Variants in LRRTM4 observed in about 807,000 individuals in gnomAD.
LRRTM4 encodes the protein leucine-rich repeat transmembrane neuronal protein 4.
In LRRTM4, 25 loss-of-function variants were observed where a neutral mutation model predicts 47.6. That is an observed-to-expected ratio of 0.53 (90% CI 0.38 to 0.73). The LOEUF (loss-of-function observed/expected upper bound fraction) is 0.73, where lower values mean the gene tolerates loss of function less well. Among genes scored for constraint, LRRTM4 ranks in the 30% least tolerant of loss-of-function variants. The probability of loss-of-function intolerance (pLI) is 0.00; values close to 1 mark genes in which losing one functional copy is unlikely to be tolerated. For synonymous variants in LRRTM4, 311 were observed against 269.5 expected (o/e 1.15, Z -1.51); for missense variants, 638 against 713.4 (o/e 0.89, Z 1.20).
chr2:77,040,734 G>C (rs1490956470), intron 3 of LRRTM4, among the ~76,000 whole-genome samples: 2 of 151,404 alleles, frequency 1.3e-5, no homozygotes, highest in African/African-American at 4.8e-5. Flanking sequence ...GTCCACTAAT[G>C]TTTATAGCTC....
At position 76,807,871 on chromosome 2, in the gene LRRTM4, G is replaced by A. The variant is rs113749494; in HGVS notation, c.1552-58955C>T. On this transcript the variant is annotated intron_variant, in intron 3 of 3. Coordinates refer to ENST00000409884, the MANE Select transcript of LRRTM4 (RefSeq NM_001134745.3). ...GCTGGGATTACAGGTGTGAGCCACC[G>A]CACCCGGCCTATTTTCTTTTCTTCT... 5.3e-5 allele frequency among the ~76,000 whole-genome samples: 8 copies of A among 151,218 alleles called. No individual in the cohort carries two copies. In the South Asian group the frequency reaches 1.3e-3, roughly 24 times the overall value.
chr2:77,001,290 TG>T (rs1288392893), intron 3 of LRRTM4, among the ~76,000 whole-genome samples: 2 of 152,148 alleles, frequency 1.3e-5, no homozygotes, highest in African/African-American at 4.8e-5. Context: ...TTGTGAATTC[TG>T]ATTATTGTTT....
At chr2:76,915,733 A>T (rs1674220050) in intron 3 of LRRTM4, among the ~76,000 whole-genome samples, 1 of 152,190 alleles carries the variant, frequency 6.6e-6, no homozygotes, top group Non-Finnish European at 1.5e-5. Context: ...TAAGTAAAAA[A>T]ATTAAAATAT....
chr2:77,046,855 G>A (rs922843718), intron 3 of LRRTM4, among the ~76,000 whole-genome samples: 2 of 151,984 alleles, frequency 1.3e-5, no homozygotes, highest in Admixed American at 1.3e-4. Context: ...TATTCACAAT[G>A]CATTTATCAT....
At chr2:76,905,407 G>C (rs1399626785) in intron 3 of LRRTM4, among the ~76,000 whole-genome samples, 1 of 152,132 alleles carries the variant, frequency 6.6e-6, no homozygotes, top group East Asian at 1.9e-4. Context: ...GGAAAAAACA[G>C]AGCAGAAATA....
chr2:77,480,395 A>G (rs1426686573), intron 3 of LRRTM4, among the ~76,000 whole-genome samples: 1 of 152,164 alleles, frequency 6.6e-6, no homozygotes, highest in Non-Finnish European at 1.5e-5. Flanking sequence ...CTATTTTTCC[A>G]AAGGAATAGT....
chr2:77,296,785 G>C (rs1676985909), intron 3 of LRRTM4, among the ~76,000 whole-genome samples: 1 of 152,174 alleles, frequency 6.6e-6, no homozygotes, highest in African/African-American at 2.4e-5. Context: ...CTGTGTCATG[G>C]ATATTGCTTT....
chr2:76,773,385 T>A (rs1011401875), intron 3 of LRRTM4, among the ~76,000 whole-genome samples: 4 of 152,332 alleles, frequency 2.6e-5, no homozygotes, highest in South Asian at 2.1e-4. Context: ...TAGTCTTAAA[T>A]AAACTCTTTC....
intron 3 of LRRTM4, among the ~76,000 whole-genome samples, chr2:77,017,808 T>G (rs1573456630): frequency 6.6e-6 from 1 of 152,310 alleles, no homozygotes; most frequent in South Asian, 2.1e-4. Flanking sequence ...ATTTAGCTTT[T>G]TTATAAATTT....
At chr2:77,469,295 G>A (rs2103989072) in intron 3 of LRRTM4, among the ~76,000 whole-genome samples, 1 of 152,336 alleles carries the variant, frequency 6.6e-6, no homozygotes, top group African/African-American at 2.4e-5. Flanking sequence ...AGCCCACACA[G>A]AAGCGTCTTT....
At chr2:77,004,977 C>T (rs998082037) in intron 3 of LRRTM4, among the ~76,000 whole-genome samples, 1 of 152,138 alleles carries the variant, frequency 6.6e-6, no homozygotes, top group Non-Finnish European at 1.5e-5. Context: ...TTTACCAATG[C>T]CTGTACCCCA....
chr2:77,512,612 T>C (rs762463278), intron 3 of LRRTM4, among the ~76,000 whole-genome samples: 6 of 152,124 alleles, frequency 3.9e-5, no homozygotes, highest in Non-Finnish European at 7.4e-5. Flanking sequence ...TCTAGAGACA[T>C]GAAAATTCAG....
intron 3 of LRRTM4, among the ~76,000 whole-genome samples, chr2:77,141,943 T>C (rs1158154692): frequency 6.6e-6 from 1 of 152,176 alleles, no homozygotes. Context: ...AGTCTTCTTC[T>C]TGATTCTGTT....
At chr2:77,100,017 T>C (rs953633208) in intron 3 of LRRTM4, among the ~76,000 whole-genome samples, 1 of 152,156 alleles carries the variant, frequency 6.6e-6, no homozygotes, top group African/African-American at 2.4e-5. Context: ...TTCCTTTCTC[T>C]AAGCTACTGA....
At chr2:77,481,285 C>T (rs185238001) in intron 3 of LRRTM4, among the ~76,000 whole-genome samples, 1 of 152,280 alleles carries the variant, frequency 6.6e-6, no homozygotes, top group African/African-American at 2.4e-5. Flanking sequence ...AACTGAGGCT[C>T]AGCAAGTATC....
intron 3 of LRRTM4, among the ~76,000 whole-genome samples, chr2:77,211,400 T>C (rs1674289398): frequency 6.6e-6 from 1 of 152,076 alleles, no homozygotes; most frequent in South Asian, 2.1e-4. Flanking sequence ...GGTGCTTACA[T>C]TAGAGAAAAC....
At chr2:77,468,571 A>T (rs1057229662) in intron 3 of LRRTM4, among the ~76,000 whole-genome samples, 1 of 152,238 alleles carries the variant, frequency 6.6e-6, no homozygotes, top group Non-Finnish European at 1.5e-5. Context: ...AATGGAGCAG[A>T]CAGACATGTC....
chr2:76,939,437 G>A (rs1289239376), intron 3 of LRRTM4, among the ~76,000 whole-genome samples: 5 of 152,016 alleles, frequency 3.3e-5, no homozygotes, highest in African/African-American at 1.2e-4. Flanking sequence ...AAATTACACA[G>A]ATTTTTTTGT....
chr2:76,885,366 T>A (rs1284599076), intron 3 of LRRTM4, among the ~76,000 whole-genome samples: 1 of 152,078 alleles, frequency 6.6e-6, no homozygotes, highest in Non-Finnish European at 1.5e-5. Flanking sequence ...CCTGCTAGCA[T>A]GTGCTCAATA....
Sources: allele counts gnomAD v4.1 joint callset (sites outside exome capture counted in the v4.1 genomes callset), GRCh38; gene constraint gnomAD v4.1.1; transcripts MANE v1.5; gene names NCBI Gene and HGNC (gene_info 2026-07-23, HGNC 2026-07-21).